Variants in GNL3L observed in about 807,000 individuals in gnomAD.
GNL3L encodes guanine nucleotide-binding protein-like 3-like protein.
A neutral mutation model predicts 42.9 loss-of-function variants in GNL3L; 4 were observed. The observed-to-expected ratio is 0.09, with a 90% confidence interval of 0.05 to 0.21. The LOEUF is 0.21. Among genes scored for constraint, GNL3L ranks in the 10% least tolerant of loss-of-function variants. The pLI, the probability that GNL3L is intolerant of heterozygous loss-of-function variation, is 1.00. For missense variants in GNL3L, 412 were observed against 481.7 expected, an observed-to-expected ratio of 0.86 and a Z score of 1.36; for synonymous variants, 159 against 176.3, an observed-to-expected ratio of 0.90 and a Z score of 0.78.
chrX:54,573,319 G>A (rs1446882033), intron 16 of GNL3L, among the ~76,000 whole-genome samples: 11 of 113,121 alleles, frequency 9.7e-5, no homozygotes, highest in Admixed American at 3.7e-4. Flanking sequence ...CGAGGCTGGC[G>A]GATCACTCGC....
chrX:54,596,022 T>C (rs747204467), intron 16 of GNL3L, among the ~76,000 whole-genome samples: 1 of 112,273 alleles, frequency 8.9e-6, no homozygotes, highest in African/African-American at 3.2e-5. Context: ...TGGTGCCTGG[T>C]GTCTTATTTA....
At position 54,540,217 on chromosome X, in the gene GNL3L, G is replaced by A. The variant is rs760007760; in HGVS notation, c.164G>A (p.Arg55Gln). ...GTTCACCCCAATGATCATGCCAATC[G>A]AGAGGCTGAATTAAAGAAGAAGTGG... ...HFVHPNDHAN[R>Q]EAELKKKWVE... is the part of the protein sequence containing the mutation. The change falls in exon 4 of 16, where the codon CGA becomes CAA. Residue 55 changes from arginine (R) to glutamine (Q), a missense_variant. Coordinates refer to ENST00000360845, the MANE Select transcript of GNL3L (RefSeq NM_001184819.2). The A allele has an allele frequency of 1.1e-5, 13 of 1,197,000 alleles. No homozygotes were observed. The East Asian group carries it at 2.1e-4, about 19-fold the overall frequency.
At position 54,618,663 on chromosome X, in the gene GNL3L, G is replaced by A. The variant is rs144683553; in HGVS notation, c.*46-2182G>A. Among the ~76,000 whole-genome samples, 1,079 of 111,752 alleles carry A rather than the reference G, an allele frequency of 9.7e-3. 10 individuals are homozygous for A. The highest frequency in any genetic ancestry group is 0.015 in the Admixed American group (152 of 10,470). The stretch of plus-strand genomic sequence containing the variant: ...TGTAATCCCAGTGCTTTGAGAGGCT[G>A]AGGCAGGAGGAGTTGGAGCCCAGGA... On this transcript the variant is annotated intron_variant, in intron 16 of 16. Transcript: ENST00000674498.
At chrX:54,575,921 G>GTAT (rs1925629699) in intron 16 of GNL3L, among the ~76,000 whole-genome samples, 2 of 111,809 alleles carry the variant, frequency 1.8e-5, no homozygotes, top group South Asian at 7.4e-4. Context: ...AAAAAAAAAT[G>GTAT]TATTAATACT....
At chrX:54,544,036 G>A (rs940512373) in intron 7 of GNL3L, 187 bp from the exon 8 acceptor site, 27 of 373,863 alleles carry the variant, frequency 7.2e-5, no homozygotes, top group African/African-American at 6.4e-4. Flanking sequence ...GAGGGCTAAC[G>A]CATCCCGTAG....
At chrX:54,542,605 A>G (rs936570888) in intron 5 of GNL3L, among the ~76,000 whole-genome samples, 5 of 111,725 alleles carry the variant, frequency 4.5e-5, no homozygotes, top group Non-Finnish European at 9.4e-5. Context: ...TCCTTTGGGT[A>G]TATACCCAGT....
intron 16 of GNL3L, among the ~76,000 whole-genome samples, chrX:54,588,750 G>A (rs979250675): frequency 1.8e-5 from 2 of 111,598 alleles, no homozygotes; most frequent in African/African-American, 3.3e-5. Flanking sequence ...ATTTGAACCC[G>A]GAAGGTGGAG....
At chrX:54,626,502 T>C (rs1438271131), downstream of GNL3L, among the ~76,000 whole-genome samples, 1 of 111,868 alleles carries the variant, frequency 8.9e-6, no homozygotes, top group Non-Finnish European at 1.9e-5. Flanking sequence ...GGTGCAGGTA[T>C]CTTTTTGATA....
intron 16 of GNL3L, among the ~76,000 whole-genome samples, chrX:54,611,847 G>T (rs1218380533): frequency 6.3e-5 from 7 of 111,873 alleles, no homozygotes; most frequent in Non-Finnish European, 1.3e-4. Context: ...CTATCGTATG[G>T]TCTACCTTGG....
At chrX:54,641,815 G>T in the GNL3L span, among the ~76,000 whole-genome samples, 47 of 111,331 alleles carry the variant, frequency 4.2e-4, no homozygotes, top group Non-Finnish European at 7.0e-4. Context: ...AGTAGACCAG[G>T]ATGCTGGGTA....
intron 8 of GNL3L, among the ~76,000 whole-genome samples, chrX:54,546,333 T>C (rs1924773562): frequency 8.9e-6 from 1 of 112,160 alleles, no homozygotes; most frequent in African/African-American, 3.2e-5. Flanking sequence ...GTTTCCAGTT[T>C]TTTATCGTTA....
the GNL3L span, among the ~76,000 whole-genome samples, chrX:54,638,647 C>T: frequency 3.1e-3 from 342 of 111,139 alleles, 2 homozygotes; most frequent in African/African-American, 0.01. Flanking sequence ...TTAGTAGAGA[C>T]GGGGTTTCAC....
chrX:54,550,911 G>A, intron 9 of GNL3L, 52 bp from the exon 10 acceptor site: 1 of 679,293 alleles, frequency 1.5e-6, no homozygotes, highest in South Asian at 2.2e-5. Context: ...AGGCTGGCCT[G>A]AGTGTTCCTG....
At chrX:54,607,007 T>C (rs867403658) in intron 16 of GNL3L, among the ~76,000 whole-genome samples, 3 of 25,283 alleles carry the variant, frequency 1.2e-4, no homozygotes, top group Non-Finnish European at 1.8e-4. Flanking sequence ...TTTCTTTCTT[T>C]CTTTCTTTCT....
downstream of GNL3L, among the ~76,000 whole-genome samples, chrX:54,622,040 A>C (rs748255088): frequency 8.1e-5 from 9 of 110,468 alleles, no homozygotes; most frequent in Non-Finnish European, 1.5e-4. Context: ...TTTTTATTCC[A>C]CTTTACTTTT....
Position 54,594,667 on chromosome X carries a change from GGTTGTTTTGTGGT to G in GNL3L, c.*46-26174_*46-26162del, listed in dbSNP as rs1402740934. Among the ~76,000 whole-genome samples, 3 of 109,249 alleles carry G rather than the reference GGTTGTTTTGTGGT, an allele frequency of 2.7e-5. No homozygotes were observed. The East Asian group carries it at 8.7e-4, about 32-fold the overall frequency. 94.9% of individuals were successfully genotyped at this position (109,249 alleles called of 115,157 possible). ...CCTGCCATTTTGTTACTGGTTTTTTGGTTGTTTTGTGGTGTTCTTTCCTTCCTTCCTGTCTTCT... is the reference window on the plus strand; with the variant it reads ...CCTGCCATTTTGTTACTGGTTTTTTGGTTCTTTCCTTCCTTCCTGTCTTCT... On this transcript the variant is annotated intron_variant, in intron 16 of 16. Coordinates refer to the GNL3L transcript ENST00000674498.
rs1400601329 is a variant in GNL3L at position 54,560,924 on chromosome X, C to T, written c.*322C>T. On this transcript the variant is annotated 3_prime_UTR_variant, in exon 16 of 16. Coordinates refer to ENST00000360845, the MANE Select transcript of GNL3L (RefSeq NM_001184819.2). Reference sequence around the variant, plus strand: ...CCGTGCTTAGTGGCACCTATAATCCCAGCTACTTGGGAGGCTGAGGCAGGA... The same window carrying T: ...CCGTGCTTAGTGGCACCTATAATCCTAGCTACTTGGGAGGCTGAGGCAGGA... The T allele has an allele frequency of 1.5e-5, 2 of 134,315 alleles. No homozygotes were observed. Among genetic ancestry groups the T allele is most frequent in the African/African-American group, 6.4e-5 (2 of 31,150 alleles). The allele number at this position is 134,315 out of a possible 1,213,427, so 11.1% of individuals were successfully genotyped here. A position where few individuals can be genotyped will look rare whatever the true frequency, so the allele number is the denominator to read the frequency against.
At chrX:54,538,697 C>T (rs1427430929) in intron 2 of GNL3L, among the ~76,000 whole-genome samples, 2 of 111,573 alleles carry the variant, frequency 1.8e-5, no homozygotes, top group Admixed American at 9.5e-5. Context: ...TCTCATTCTG[C>T]CAGCTCCCTC....
intron 16 of GNL3L, among the ~76,000 whole-genome samples, chrX:54,589,373 A>G (rs1397647509): frequency 1.8e-5 from 2 of 110,201 alleles, no homozygotes; most frequent in Admixed American, 9.7e-5. Flanking sequence ...AACCATCCCT[A>G]CTTCCCCTCC....
Sources: gnomAD v4.1 joint callset for allele counts (sites outside exome capture counted in the v4.1 genomes callset) on GRCh38, gnomAD v4.1.1 for gene constraint, MANE v1.5 for transcripts, NCBI Gene and HGNC (gene_info 2026-07-23, HGNC 2026-07-21) for gene names.